Variants in ZNF17 observed in about 807,000 individuals in gnomAD.
ZNF17 encodes zinc finger protein 17.
Under a neutral mutation model 7.7 loss-of-function variants are expected in ZNF17, and 4 were observed. The observed-to-expected ratio is 0.52, with a 90% confidence interval of 0.26 to 1.20. ZNF17 has a LOEUF of 1.20. Ranked by LOEUF, ZNF17 falls within the 50% of genes most tolerant of loss-of-function variation. The pLI is 0.14. For missense variants in ZNF17, 738 were observed against 799.5 expected (o/e 0.92, Z 0.93); for synonymous variants, 249 against 258.8 (o/e 0.96, Z 0.36).
chr19:57,420,970 C>T lies in ZNF17; in HGVS notation c.1484C>T (p.Thr495Ile). 6.2e-7 allele frequency: 1 copy of T among 1,614,136 alleles called. No individual in the cohort carries two copies. Among genetic ancestry groups the T allele is most frequent in the South Asian group, 1.1e-5 (1 of 91,086 alleles). ...CTGAAGAGTCATCAGAGAGTTCACA[C>T]TGGAGAAAGACCTTTTGAATGCAGC... ...CTLKSHQRVH[T>I]GERPFECSIC... is the part of the protein sequence containing the mutation. Residue 495 changes from threonine to isoleucine, a missense_variant, in exon 4 of 4, where the codon ACT becomes ATT. Physicochemically the swap from Thr to Ile is moderately conservative, Grantham distance 89. Around this residue, in one of 3 missense-constraint regions of ZNF17, gnomAD observed 616 missense variants for 663.9 expected, o/e 0.93. Coordinates refer to ENST00000307658, the MANE Select transcript of ZNF17 (RefSeq NM_001330617.2).
At chr19:57,418,661 A>G (rs2088826653) in intron 3 of ZNF17, among the ~76,000 whole-genome samples, 1 of 152,172 alleles carries the variant, frequency 6.6e-6, no homozygotes, top group South Asian at 2.1e-4. Context: ...AGAGATGCTC[A>G]AAAGGACTTG....
At position 57,421,240 on chromosome 19, in the gene ZNF17, A is replaced by C; in HGVS notation, c.1754A>C (p.Lys585Thr). The C allele has an allele frequency of 6.2e-7, 1 of 1,614,068 alleles. No homozygotes were observed. Among genetic ancestry groups the C allele is most frequent in the Non-Finnish European group, 8.5e-7 (1 of 1,180,016 alleles). The change falls in exon 4 of 4, where the codon AAA (lysine) becomes ACA (threonine). Residue 585 changes from lysine to threonine, a missense_variant. By Grantham distance (78) the Lys-to-Thr change is moderately conservative (BLOSUM62 -1). Transcript: ENST00000307658. ...GTTCACACTAGGGAAAGAACTTACA[A>C]ATGCAGCAAATGTGGGAAATTTTTT... ...QKVHTRERTY[K>T]CSKCGKFFMD...
Position 57,419,697 on chromosome 19 carries a change from T to A in ZNF17, c.211T>A (p.Ser71Thr), listed in dbSNP as rs2088834639. Residue 71 changes from serine (S) to threonine (T), a missense_variant, in exon 4 of 4, where the codon TCA (serine) becomes ACA (threonine). Physicochemically the swap from Ser to Thr is moderately conservative, Grantham distance 58. Around this residue, in one of 3 missense-constraint regions of ZNF17, gnomAD observed 616 missense variants for 663.9 expected, o/e 0.93. Coordinates refer to ENST00000307658, the MANE Select transcript of ZNF17 (RefSeq NM_001330617.2). The part of the protein sequence containing the change: ...PSKQCVSVGV[S>T]QVTTLKPALS... ...CAAGCAATGTGTTTCTGTAGGAGTG[T>A]CACAGGTCACAACTTTAAAGCCAGC... 2 of 1,614,056 alleles carry A rather than the reference T, an allele frequency of 1.2e-6. No homozygotes were observed.
chr19:57,417,602 A>G (rs2088818351), intron 2 of ZNF17, among the ~76,000 whole-genome samples: 1 of 152,104 alleles, frequency 6.6e-6, no homozygotes. Context: ...TAATCCCAGC[A>G]ATTTGGGAGG....
At chr19:57,413,076 C>T (rs1364912618) in intron 1 of ZNF17, among the ~76,000 whole-genome samples, 1 of 151,622 alleles carries the variant, frequency 6.6e-6, no homozygotes, top group Non-Finnish European at 1.5e-5. Flanking sequence ...CAGGGTTTCA[C>T]CATGGTTGGC....
chr19:57,411,878 A>C (rs1203743944), intron 1 of ZNF17, among the ~76,000 whole-genome samples: 1 of 152,184 alleles, frequency 6.6e-6, no homozygotes, highest in African/African-American at 2.4e-5. Context: ...TCAGAGATAG[A>C]GTCGACAGGA....
At chr19:57,417,349 G>T (rs2088817090) in intron 2 of ZNF17, among the ~76,000 whole-genome samples, 2 of 151,986 alleles carry the variant, frequency 1.3e-5, no homozygotes, top group African/African-American at 4.8e-5. Context: ...GCAGCCTTGG[G>T]GTATAGGGAC....
Position 57,419,797 on chromosome 19 carries a change from A to T in ZNF17, c.311A>T (p.His104Leu), listed in dbSNP as rs761001106. 1 of 1,614,192 alleles carries T rather than the reference A, an allele frequency of 6.2e-7. No individual in the cohort carries two copies. The highest frequency in any genetic ancestry group is 8.5e-7 in the Non-Finnish European group (1 of 1,180,038). ...AAGGACATTCTACACCTGGCTGAGC[A>T]TGACGGAACACACCCCAAGCGTACA... is the stretch of plus-strand genomic sequence containing the variant. ...LLKDILHLAE[H>L]DGTHPKRTAK... The change falls in exon 4 of 4, where the codon CAT becomes CTT. Residue 104 changes from histidine to leucine, a missense_variant. By Grantham distance (99) the His-to-Leu change is moderately conservative. Around this residue, in one of 3 missense-constraint regions of ZNF17, gnomAD observed 616 missense variants for 663.9 expected, o/e 0.93. Transcript: ENST00000307658.
At chr19:57,417,630 C>T (rs548756823) in intron 2 of ZNF17, among the ~76,000 whole-genome samples, 3 of 152,058 alleles carry the variant, frequency 2.0e-5, no homozygotes, top group South Asian at 4.2e-4. Flanking sequence ...AGGCAGTTCA[C>T]GAGGTCAGGA....
chr19:57,411,332 T>C lies in ZNF17; in HGVS notation c.-95T>C. 1.3e-6 allele frequency: 2 copies of C among 1,594,550 alleles called. No homozygotes were observed. Among genetic ancestry groups the C allele is most frequent in the African/African-American group, 1.3e-5 (1 of 74,874 alleles). Reference sequence around the variant, plus strand: ...GCAGGCGTTGGTGCCTCTGTCAGCGTCCAGGTCACTGCCGCTCCCGCCCCG... The same window carrying C: ...GCAGGCGTTGGTGCCTCTGTCAGCGCCCAGGTCACTGCCGCTCCCGCCCCG... On this transcript the variant is annotated 5_prime_UTR_variant, in exon 1 of 4. Transcript: ENST00000307658.
chr19:57,421,724 CTCCA>C lies in ZNF17; in HGVS notation c.*248_*251del, dbSNP rs1304814281. 6 of 395,022 alleles carry C rather than the reference CTCCA, an allele frequency of 1.5e-5. No individual in the cohort carries two copies. Among genetic ancestry groups the C allele is most frequent in the East Asian group, 8.0e-5 (2 of 25,020 alleles). The allele number at this position is 395,022 out of a possible 1,614,324, so 24.5% of individuals were successfully genotyped here. ...ATACCTTTTAAAACCTTATTCCTCA[CTCCA>C]TCCAGCCTCTTGACAAGCACCGCTC... On this transcript the variant is annotated 3_prime_UTR_variant, in exon 4 of 4. Coordinates refer to ENST00000307658, the MANE Select transcript of ZNF17 (RefSeq NM_001330617.2).
chr19:57,418,676 T>C (rs896700625), intron 3 of ZNF17, among the ~76,000 whole-genome samples: 14 of 152,160 alleles, frequency 9.2e-5, no homozygotes, highest in Non-Finnish European at 1.9e-4. Flanking sequence ...GACTTGGCCC[T>C]GGTGGATGGG....
At chr19:57,413,544 T>G (rs2088791993) in intron 1 of ZNF17, 52 bp from the exon 2 acceptor site, 1 of 1,532,138 alleles carries the variant, frequency 6.5e-7, no homozygotes, top group Admixed American at 2.0e-5. Context: ...ACAGTCAGCC[T>G]GTAGGATGCT....
intron 2 of ZNF17, among the ~76,000 whole-genome samples, chr19:57,417,546 C>T (rs992257789): frequency 1.3e-5 from 2 of 151,960 alleles, no homozygotes; most frequent in Admixed American, 6.6e-5. Context: ...TCTAAGGAAA[C>T]AGAATAAGAA....
At position 57,421,327 on chromosome 19, in the gene ZNF17, G is replaced by A. The variant is rs757723448; in HGVS notation, c.1841G>A (p.Cys614Tyr). 1 of 1,614,176 alleles carries A rather than the reference G, an allele frequency of 6.2e-7. No individual in the cohort carries two copies. Among genetic ancestry groups the A allele is most frequent in the South Asian group, 1.1e-5 (1 of 91,086 alleles). Residue 614 changes from cysteine to tyrosine, a missense_variant, in exon 4 of 4, where the codon TGC (cysteine) becomes TAC (tyrosine). Cys to Tyr is a radical substitution (Grantham distance 194). Coordinates refer to ENST00000307658, the MANE Select transcript of ZNF17 (RefSeq NM_001330617.2). ...CATACTGGAGAAAAGCCTTATGAGT[G>A]CAGTGAATGTGGGAAAGTCTTTAGA... ...RVHTGEKPYECSECGKVFRYN... is the reference protein window; with the variant it reads ...RVHTGEKPYEYSECGKVFRYN...
chr19:57,414,116 C>T (rs932070699), intron 2 of ZNF17, among the ~76,000 whole-genome samples: 1 of 152,178 alleles, frequency 6.6e-6, no homozygotes, highest in Admixed American at 6.5e-5. Flanking sequence ...TCACTACAAC[C>T]TCCGCCTTCC....
rs2088823333 is a variant in ZNF17 at position 57,418,053 on chromosome 19, C to T, written c.148+15C>T. On this transcript the variant is annotated intron_variant, in intron 3 of 3. Coordinates refer to ENST00000307658, the MANE Select transcript of ZNF17 (RefSeq NM_001330617.2). ...GTCCTCAGTAGGTAAGGCCCTGACA[C>T]CTACGTCAGTGTCTTGTGCTGGGCA... 1.9e-6 allele frequency: 3 copies of T among 1,608,214 alleles called. No homozygotes were observed. The highest frequency in any genetic ancestry group is 1.3e-5 in the African/African-American group (1 of 74,598).
intron 1 of ZNF17, 34 bp from the exon 2 acceptor site, chr19:57,413,562 T>A: frequency 6.5e-7 from 1 of 1,535,250 alleles, no homozygotes; most frequent in Non-Finnish European, 8.7e-7. Flanking sequence ...GCTGCAATGC[T>A]GTCTTAATCC....
chr19:57,416,273 C>A (rs2088810848), intron 2 of ZNF17, among the ~76,000 whole-genome samples: 1 of 152,072 alleles, frequency 6.6e-6, no homozygotes, highest in South Asian at 2.1e-4. Flanking sequence ...TGGAAATACT[C>A]CCAGTTGGGC....
Sources: allele counts gnomAD v4.1 joint callset (sites outside exome capture counted in the v4.1 genomes callset), GRCh38; gene constraint gnomAD v4.1.1; regional missense constraint gnomAD v4.1.1; transcripts MANE v1.5; gene names NCBI Gene and HGNC (gene_info 2026-07-23, HGNC 2026-07-21).